ORAI3: variants seen among roughly 807,000 people sequenced by gnomAD.
ORAI3 encodes ORAI calcium release-activated calcium modulator 3.
A neutral mutation model predicts 17.2 loss-of-function variants in ORAI3; 15 were observed. That is an observed-to-expected ratio of 0.87 (90% CI 0.58 to 1.34). ORAI3 has a LOEUF of 1.34. Among genes scored for constraint, ORAI3 ranks in the 40% most tolerant of loss-of-function variants. The pLI, the probability that ORAI3 is intolerant of heterozygous loss-of-function variation, is 0.00. For synonymous variants in ORAI3, 178 were observed against 172.4 expected (o/e 1.03, Z -0.25); for missense variants, 405 against 396.7 (o/e 1.02, Z -0.18).
Position 30,949,309 on chromosome 16 carries a change from A to T in ORAI3, c.20A>T (p.Asp7Val). The change falls in exon 1 of 2, where the codon GAC becomes GTC. Residue 7 changes from aspartate to valine, a missense_variant. Asp to Val is a radical substitution (Grantham distance 152). Transcript: ENST00000318663. ...CCCAGGATGAAGGGCGGCGAGGGGG[A>T]CGCGGGCGAGCAGGCCCCGCTGAAC... Reference protein sequence around the residue: MKGGEGDAGEQAPLNPE... With the variant: MKGGEGVAGEQAPLNPE... The T allele has an allele frequency of 7.1e-7, 1 of 1,415,276 alleles. No homozygotes were observed. The highest frequency in any genetic ancestry group is 9.2e-7 in the Non-Finnish European group (1 of 1,087,116). The allele number at this position is 1,415,276 out of a possible 1,614,324, so 87.7% of individuals were successfully genotyped here. A position where few individuals can be genotyped will look rare whatever the true frequency, so the allele number is the denominator to read the frequency against.
Position 30,954,228 on chromosome 16 carries a change from A to G in ORAI3, c.*384A>G. 1 of 572,078 alleles carries G rather than the reference A, an allele frequency of 1.7e-6. No individual in the cohort carries two copies. The highest frequency in any genetic ancestry group is 3.1e-6 in the Non-Finnish European group (1 of 318,140). 35.4% of individuals were successfully genotyped at this position (572,078 alleles called of 1,614,324 possible). ...CAGAAGGCAGCCAATTGTTGGTTTA[A>G]TTTTTTTTTTTTTTTGAGACAGTCT... On this transcript the variant is annotated 3_prime_UTR_variant, in exon 2 of 2. Transcript: ENST00000318663.
chr16:30,953,835 G>C lies in ORAI3; in HGVS notation c.879G>C (p.Gln293His), dbSNP rs769035066. ...EELNRLQGEL[Q>H]AV is the part of the protein sequence containing the mutation. Reference sequence around the variant, plus strand: ...TGAATCGCCTGCAGGGGGAGCTGCAGGCTGTGTGAGACTGGTGTTAGCCAC... The same window carrying C: ...TGAATCGCCTGCAGGGGGAGCTGCACGCTGTGTGAGACTGGTGTTAGCCAC... The change falls in exon 2 of 2, where the codon CAG (glutamine) becomes CAC (histidine). Residue 293 changes from glutamine to histidine, a missense_variant. Gln to His is a conservative substitution (Grantham distance 24, BLOSUM62 0). Coordinates refer to ENST00000318663, the MANE Select transcript of ORAI3 (RefSeq NM_152288.3). The C allele has an allele frequency of 6.2e-7, 1 of 1,607,946 alleles. No homozygotes were observed. Among genetic ancestry groups the C allele is most frequent in the Non-Finnish European group, 8.5e-7 (1 of 1,177,498 alleles).
intron 1 of ORAI3, 121 bp from the exon 2 acceptor site, chr16:30,953,064 T>A: frequency 1.1e-6 from 1 of 899,360 alleles, no homozygotes. Context: ...ATGTCTCTGG[T>A]TTCTGCCAGG....
At chr16:30,952,720 C>T (rs1383787878) in intron 1 of ORAI3, among the ~76,000 whole-genome samples, 1 of 151,906 alleles carries the variant, frequency 6.6e-6, no homozygotes, top group Non-Finnish European at 1.5e-5. Context: ...GGCTGGAGTG[C>T]AGTCACATGA....
rs755885410 is a variant in ORAI3 at position 30,953,803 on chromosome 16, G to C, written c.847G>C (p.Glu283Gln). The change falls in exon 2 of 2, where the codon GAG (glutamate) becomes CAG (glutamine). Residue 283 changes from glutamate (E) to glutamine (Q), a missense_variant. Coordinates refer to ENST00000318663, the MANE Select transcript of ORAI3 (RefSeq NM_152288.3). ...HKTDRYKQEL[E>Q]ELNRLQGELQ... Reference sequence around the variant, plus strand: ...GACAGACCGCTACAAGCAGGAACTAGAGGAACTGAATCGCCTGCAGGGGGA... The same window carrying C: ...GACAGACCGCTACAAGCAGGAACTACAGGAACTGAATCGCCTGCAGGGGGA... The C allele has an allele frequency of 2.5e-6, 4 of 1,613,194 alleles. No homozygotes were observed. Among genetic ancestry groups the C allele is most frequent in the African/African-American group, 2.7e-5 (2 of 74,932 alleles).
At chr16:30,953,048 G>A (rs2055931714) in intron 1 of ORAI3, 137 bp from the exon 2 acceptor site, 4 of 763,384 alleles carry the variant, frequency 5.2e-6, no homozygotes, top group Non-Finnish European at 8.5e-6. Context: ...ACTCAACAGA[G>A]ACTGAATGTC....
chr16:30,953,904 C>A lies in ORAI3; in HGVS notation c.*60C>A, dbSNP rs375813856. On this transcript the variant is annotated 3_prime_UTR_variant, in exon 2 of 2. Coordinates refer to ENST00000318663, the MANE Select transcript of ORAI3 (RefSeq NM_152288.3). ...CCTCCCTCCGGGGTCTGTAAGAGGC[C>A]GCAGGGGCCTACAGACCTCATCCCC... is the stretch of plus-strand genomic sequence containing the variant. The A allele has an allele frequency of 2.0e-6, 3 of 1,534,190 alleles. No homozygotes were observed. The highest frequency in any genetic ancestry group is 1.7e-4 in the Middle Eastern group (1 of 5,810).
Position 30,952,064 on chromosome 16 carries a change from CTTCCTT to C in ORAI3, c.229-1107_229-1102del, listed in dbSNP as rs566792238. On this transcript the variant is annotated intron_variant, in intron 1 of 1. Coordinates refer to ENST00000318663, the MANE Select transcript of ORAI3 (RefSeq NM_152288.3). ...GCCTGGCACTGTTCTTTTTCTTTTT[CTTCCTT>C]TTCCTTTTCCTTTCCTTTCCTCTTT... 3.5e-3 allele frequency among the ~76,000 whole-genome samples: 528 copies of C among 151,852 alleles called. 2 individuals carry two copies. Among genetic ancestry groups the C allele is most frequent in the Non-Finnish European group, 5.5e-3 (373 of 67,908 alleles).
chr16:30,952,097 T>G (rs2055927181), intron 1 of ORAI3, among the ~76,000 whole-genome samples: 1 of 151,178 alleles, frequency 6.6e-6, no homozygotes, highest in South Asian at 2.1e-4. Context: ...TTCCTCTTTC[T>G]TTTTCTTTCT....
Position 30,953,539 on chromosome 16 carries a change from G to A in ORAI3, c.583G>A (p.Gly195Arg), listed in dbSNP as rs553613759. The A allele has an allele frequency of 8.1e-6, 13 of 1,614,102 alleles. No individual in the cohort carries two copies. The East Asian group carries it at 8.9e-5, about 11-fold the overall frequency. ...CATGGTGCCCACATCCCGGGTGCCC[G>A]GGACTCTGGCACCAGTGGCTACCTC... ...TPMVPTSRVP[G>R]TLAPVATSLS... The change falls in exon 2 of 2, where the codon GGG (glycine) becomes AGG (arginine). Residue 195 changes from glycine (G) to arginine (R), a missense_variant. By Grantham distance (125) the Gly-to-Arg change is moderately radical. Transcript: ENST00000318663.
chr16:30,950,092 A>G (rs1442867419), intron 1 of ORAI3, among the ~76,000 whole-genome samples: 1 of 152,206 alleles, frequency 6.6e-6, no homozygotes, highest in Non-Finnish European at 1.5e-5. Flanking sequence ...GCGAGTCTCA[A>G]GCTGATAAAC....
Position 30,949,413 on chromosome 16 carries a change from A to G in ORAI3, c.124A>G (p.Ser42Gly), listed in dbSNP as rs781734019. The G allele has an allele frequency of 6.2e-7, 1 of 1,603,882 alleles. No homozygotes were observed. Among genetic ancestry groups the G allele is most frequent in the Non-Finnish European group, 8.5e-7 (1 of 1,176,618 alleles). Residue 42 changes from serine (S) to glycine (G), a missense_variant, in exon 1 of 2, where the codon AGT (serine) becomes GGT (glycine). Physicochemically the swap from Ser to Gly is moderately conservative, Grantham distance 56. Transcript: ENST00000318663. ...HRGYLDLMGA[S>G]QHSLRALSWR... ...CGGCTACCTGGACCTCATGGGGGCC[A>G]GTCAGCACTCGCTGCGGGCGCTCAG...
At chr16:30,950,373 G>A (rs1330154968) in intron 1 of ORAI3, among the ~76,000 whole-genome samples, 3 of 152,202 alleles carry the variant, frequency 2.0e-5, no homozygotes, top group Admixed American at 2.0e-4. Context: ...ACCAAGGATG[G>A]CTCAGACTAG....
chr16:30,953,789 A>G lies in ORAI3; in HGVS notation c.833A>G (p.Tyr278Cys). ...RSLVAHKTDR[Y>C]KQELEELNRL... ...TTGGTGGCACACAAGACAGACCGCT[A>G]CAAGCAGGAACTAGAGGAACTGAAT... Residue 278 changes from tyrosine to cysteine, a missense_variant, in exon 2 of 2, where the codon TAC becomes TGC. Coordinates refer to ENST00000318663, the MANE Select transcript of ORAI3 (RefSeq NM_152288.3). The G allele has an allele frequency of 6.2e-7, 1 of 1,613,754 alleles. No homozygotes were observed. Among genetic ancestry groups the G allele is most frequent in the East Asian group, 2.2e-5 (1 of 44,878 alleles).
At chr16:30,951,793 C>T (rs958412556) in intron 1 of ORAI3, among the ~76,000 whole-genome samples, 100 of 151,960 alleles carry the variant, frequency 6.6e-4, no homozygotes, top group African/African-American at 2.3e-3. Flanking sequence ...CATGCAGGAA[C>T]GCAGGCCAAG....
At chr16:30,952,128 C>CT (rs59673229) in intron 1 of ORAI3, among the ~76,000 whole-genome samples, 3 of 95,848 alleles carry the variant, frequency 3.1e-5, no homozygotes, top group African/African-American at 1.2e-4. Flanking sequence ...TCTTATCTTT[C>CT]TTTTTTTTTT....
Position 30,953,541 on chromosome 16 carries a change from G to A in ORAI3, c.585G>A (p.Gly195=). 1 of 1,614,236 alleles carries A rather than the reference G, an allele frequency of 6.2e-7. No individual in the cohort carries two copies. Among genetic ancestry groups the A allele is most frequent in the Non-Finnish European group, 8.5e-7 (1 of 1,180,032 alleles). Reference sequence around the variant, plus strand: ...TGGTGCCCACATCCCGGGTGCCCGGGACTCTGGCACCAGTGGCTACCTCCC... The same window carrying A: ...TGGTGCCCACATCCCGGGTGCCCGGAACTCTGGCACCAGTGGCTACCTCCC... ...TPMVPTSRVP[G]TLAPVATSLS... The change falls in exon 2 of 2, where the codon GGG becomes GGA. Residue 195 remains glycine (G), a synonymous_variant. Coordinates refer to ENST00000318663, the MANE Select transcript of ORAI3 (RefSeq NM_152288.3).
At chr16:30,950,260 C>A (rs367688177) in intron 1 of ORAI3, among the ~76,000 whole-genome samples, 3 of 152,096 alleles carry the variant, frequency 2.0e-5, no homozygotes, top group African/African-American at 7.2e-5. Context: ...GCCTCCACCC[C>A]GCTTGCAAGC....
chr16:30,949,286 C>T lies in ORAI3; in HGVS notation c.-4C>T. The T allele has an allele frequency of 2.9e-6, 4 of 1,402,284 alleles. No homozygotes were observed. Among genetic ancestry groups the T allele is most frequent in the Non-Finnish European group, 3.7e-6 (4 of 1,084,196 alleles). The allele number at this position is 1,402,284 out of a possible 1,614,324, so 86.9% of individuals were successfully genotyped here. On this transcript the variant is annotated 5_prime_UTR_variant, in exon 1 of 2. Coordinates refer to ENST00000318663, the MANE Select transcript of ORAI3 (RefSeq NM_152288.3). Reference sequence around the variant, plus strand: ...TGACCGCCTGGTGCCGCCCCCCCCCCAGGATGAAGGGCGGCGAGGGGGACG... The same window carrying T: ...TGACCGCCTGGTGCCGCCCCCCCCCTAGGATGAAGGGCGGCGAGGGGGACG...
Sources: allele counts gnomAD v4.1 joint callset (sites outside exome capture counted in the v4.1 genomes callset), GRCh38; gene constraint gnomAD v4.1.1; transcripts MANE v1.5; gene names NCBI Gene and HGNC (gene_info 2026-07-23, HGNC 2026-07-21).